The following TRIM15 variants were observed in gnomAD, a reference collection of about 807,000 sequenced individuals.
TRIM15 encodes tripartite motif containing 15.
In TRIM15, 35 loss-of-function variants were observed where a neutral mutation model predicts 35.8. The observed-to-expected ratio is 0.98, with a 90% CI of 0.75 to 1.30. The LOEUF (loss-of-function observed/expected upper bound fraction) is 1.30, where lower values mean the gene tolerates loss of function less well. Ranked by LOEUF, TRIM15 falls within the 50% of genes most tolerant of loss-of-function variation. TRIM15 has a pLI of 0.00. For synonymous variants in TRIM15, 252 were observed against 249.8 expected, an observed-to-expected ratio of 1.01 and a Z score of -0.08; for missense variants, 590 against 593.5, an observed-to-expected ratio of 0.99 and a Z score of 0.06.
intron 1 of TRIM15, among the ~76,000 whole-genome samples, chr6:30,164,677 G>C (rs114264956): frequency 0.028 from 4,238 of 152,166 alleles, 104 homozygotes; most frequent in Middle Eastern, 0.054. Flanking sequence ...TCACAGCCAG[G>C]TTCTCCCTAT....
chr6:30,164,909 A>G (rs936301536), intron 1 of TRIM15, among the ~76,000 whole-genome samples: 10 of 152,162 alleles, frequency 6.6e-5, no homozygotes, highest in African/African-American at 1.9e-4. Flanking sequence ...GTCCGGCCTC[A>G]TCGCTCAGCC....
rs1262172397 is a variant in TRIM15, at chr6:30,172,135, A to C, written c.1184A>C (p.Gln395Pro). ...GVWAVIISHQQCWASTSPGTD... is the reference protein window; with the variant it reads ...GVWAVIISHQPCWASTSPGTD... ...TGGGCCGTGATCATCTCGCACCAGC[A>C]GTGCTGGGCCAGCACCTCCCCGGGC... Residue 395 changes from glutamine (Q) to proline (P), a missense_variant, in exon 7 of 7, where the codon CAG (glutamine) becomes CCG (proline). Gln to Pro is a moderately conservative substitution (Grantham distance 76). Coordinates refer to ENST00000376694, the MANE Select transcript of TRIM15 (RefSeq NM_033229.3). 6.3e-7 allele frequency: 1 copy of C among 1,585,994 alleles called. No homozygotes were observed. Among genetic ancestry groups the C allele is most frequent in the East Asian group, 2.3e-5 (1 of 43,458 alleles).
Position 30,167,894 on chromosome 6 carries a change from C to T in TRIM15, c.478-406C>T, listed in dbSNP as rs140942859. Reference sequence around the variant, plus strand: ...TATGCCCTGTAGTTGGTGATTTCCACGGCTAAAACCAAAATTACACACTCT... The same window carrying T: ...TATGCCCTGTAGTTGGTGATTTCCATGGCTAAAACCAAAATTACACACTCT... On this transcript the variant is annotated intron_variant, in intron 2 of 6. Transcript: ENST00000376694. Among the ~76,000 whole-genome samples, 444 of 152,264 alleles carry T rather than the reference C, an allele frequency of 2.9e-3. 2 individuals are homozygous for T. The highest frequency in any genetic ancestry group is 0.01 in the Middle Eastern group (3 of 294).
intron 4 of TRIM15, chr6:30,169,751 T>A (rs114614870): frequency 0.023 from 8,179 of 355,824 alleles, 169 homozygotes; most frequent in African/African-American, 0.051. Flanking sequence ...CAGGAGCCAG[T>A]GGCATTGTAA....
At position 30,171,917 on chromosome 6, in the gene TRIM15, G is replaced by C. The variant is rs1456349641; in HGVS notation, c.966G>C (p.Lys322Asn). 6.2e-7 allele frequency: 1 copy of C among 1,600,882 alleles called. No homozygotes were observed. The highest frequency in any genetic ancestry group is 8.5e-7 in the Non-Finnish European group (1 of 1,174,048). ...AGTCAGTGAGGTACACCCGGCAGAAGAAGAGCCTGCCAGACAGCCCCCTGC... is the reference window on the plus strand; with the variant it reads ...AGTCAGTGAGGTACACCCGGCAGAACAAGAGCCTGCCAGACAGCCCCCTGC... ...DRKSVRYTRQKKSLPDSPLRF... is the reference protein window; with the variant it reads ...DRKSVRYTRQNKSLPDSPLRF... The change falls in exon 7 of 7, where the codon AAG becomes AAC. Residue 322 changes from lysine to asparagine, a missense_variant. Coordinates refer to ENST00000376694, the MANE Select transcript of TRIM15 (RefSeq NM_033229.3).
chr6:30,169,840 G>C (rs1773885000), intron 4 of TRIM15: 2 of 256,998 alleles, frequency 7.8e-6, no homozygotes, highest in Non-Finnish European at 1.5e-5. Context: ...AGTGACTAGG[G>C]AACAATTGTC....
chr6:30,168,400 A>G lies in TRIM15; in HGVS notation c.578A>G (p.Glu193Gly). 6.2e-7 allele frequency: 1 copy of G among 1,613,034 alleles called. No homozygotes were observed. Among genetic ancestry groups the G allele is most frequent in the Non-Finnish European group, 8.5e-7 (1 of 1,180,016 alleles). Residue 193 changes from glutamate to glycine, a missense_variant, in exon 3 of 7, where the codon GAG (glutamate) becomes GGG (glycine). Glu to Gly is a moderately conservative substitution (Grantham distance 98, BLOSUM62 -2). Transcript: ENST00000376694. ...TGTCTCCTGCTGGCCAGGCTGAGGG[A>G]GCTGGAGCAGCAGATTTGGAAGGAG... ...QRCLLLARLR[E>G]LEQQIWKERD...
intron 4 of TRIM15, chr6:30,169,812 T>G (rs115384867): frequency 0.023 from 7,260 of 314,176 alleles, 150 homozygotes; most frequent in African/African-American, 0.051. Flanking sequence ...CAGTCTGCAC[T>G]GAGATGAAGA....
rs1773743138 is a variant in TRIM15, at chr6:30,168,164, G to A, written c.478-136G>A. On this transcript the variant is annotated intron_variant, in intron 2 of 6. Coordinates refer to ENST00000376694, the MANE Select transcript of TRIM15 (RefSeq NM_033229.3). ...TCATCCTGAGACCTAACTACTTCTA[G>A]GCATATTAGTAAATGGAATGAGTCT... 4 of 708,544 alleles carry A rather than the reference G, an allele frequency of 5.6e-6. No homozygotes were observed. The Admixed American group carries it at 8.8e-5, about 16-fold the overall frequency. The allele number at this position is 708,544 out of a possible 1,614,324, so 43.9% of individuals were successfully genotyped here.
At chr6:30,165,596 A>T (rs1391984675) in intron 1 of TRIM15, among the ~76,000 whole-genome samples, 1 of 152,254 alleles carries the variant, frequency 6.6e-6, no homozygotes, top group East Asian at 1.9e-4. Context: ...AGGATAATTT[A>T]TAATCCTCTG....
At chr6:30,168,241 C>T in intron 2 of TRIM15, 59 bp from the exon 3 acceptor site, 1 of 1,439,418 alleles carries the variant, frequency 6.9e-7, no homozygotes, top group Non-Finnish European at 9.5e-7. Context: ...TATAGATGAT[C>T]ATCCTGGAAG....
intron 2 of TRIM15, 44 bp downstream of exon 2, chr6:30,167,315 T>C: frequency 2.6e-6 from 4 of 1,525,622 alleles, no homozygotes; most frequent in Non-Finnish European, 2.7e-6. Flanking sequence ...GAAGGTTTTC[T>C]TAAGAGACTC....
At chr6:30,169,444 C>A (rs1203623011) in intron 4 of TRIM15, 181 bp downstream of exon 4, 1 of 741,114 alleles carries the variant, frequency 1.3e-6, no homozygotes. Flanking sequence ...TCTAAAGGTT[C>A]ATTTTTAAAT....
intron 1 of TRIM15, among the ~76,000 whole-genome samples, chr6:30,165,310 G>T (rs1307675231): frequency 6.6e-6 from 1 of 152,062 alleles, no homozygotes; most frequent in Non-Finnish European, 1.5e-5. Context: ...GTGTCCATGT[G>T]TTCTCATTGT....
In TRIM15 at chr6:30,171,990, G is replaced by A; in HGVS notation, c.1039G>A (p.Gly347Arg). The change falls in exon 7 of 7, where the codon GGG (glycine) becomes AGG (arginine). Residue 347 changes from glycine (G) to arginine (R), a missense_variant. Coordinates refer to ENST00000376694, the MANE Select transcript of TRIM15 (RefSeq NM_033229.3). ...TCTGGGCTTCCCGGGCTTCTCCTCC[G>A]GGCGCCACCGCTGGCAGGTTGACCT... is the stretch of plus-strand genomic sequence containing the variant. Reference protein sequence around the residue: ...AVLGFPGFSSGRHRWQVDLQL... With the variant: ...AVLGFPGFSSRRHRWQVDLQL... 1 of 1,582,196 alleles carries A rather than the reference G, an allele frequency of 6.3e-7. No homozygotes were observed. The highest frequency in any genetic ancestry group is 1.3e-5 in the African/African-American group (1 of 74,456).
At position 30,168,916 on chromosome 6, in the gene TRIM15, A is replaced by T. The variant is rs143033424; in HGVS notation, c.709-325A>T. On this transcript the variant is annotated intron_variant, in intron 3 of 6. Coordinates refer to ENST00000376694, the MANE Select transcript of TRIM15 (RefSeq NM_033229.3). Reference sequence around the variant, plus strand: ...TAACTGGTGTCTGCTATGGTTATGAATATGTGATCCTGGCTCACATCAGGT... The same window carrying T: ...TAACTGGTGTCTGCTATGGTTATGATTATGTGATCCTGGCTCACATCAGGT... Among the ~76,000 whole-genome samples the T allele has an allele frequency of 4.3e-3, 661 of 152,302 alleles. 2 individuals carry two copies. The highest frequency in any genetic ancestry group is 0.011 in the African/African-American group (467 of 41,560).
chr6:30,171,703 G>A (rs1328539993), intron 6 of TRIM15, 129 bp from the exon 7 acceptor site: 4 of 1,258,140 alleles, frequency 3.2e-6, no homozygotes, highest in Non-Finnish European at 4.2e-6. Flanking sequence ...TAGAAGGGCG[G>A]TTCAGAGAAG....
chr6:30,164,144 T>G, intron 1 of TRIM15, 79 bp downstream of exon 1: 1 of 1,529,996 alleles, frequency 6.5e-7, no homozygotes, highest in Non-Finnish European at 8.8e-7. Context: ...CGGGCGGGGA[T>G]CTGGATGAAA....
At position 30,163,575 on chromosome 6, in the gene TRIM15, C is replaced by A. The variant is rs998213427; in HGVS notation, c.-110C>A. On this transcript the variant is annotated 5_prime_UTR_variant, in exon 1 of 7. Coordinates refer to ENST00000376694, the MANE Select transcript of TRIM15 (RefSeq NM_033229.3). ...CTCTTTCTCTCTCTCTGTCTCTTAGCCTTGCAGCCGTTTCCCTCTGCGATT... is the reference window on the plus strand; with the variant it reads ...CTCTTTCTCTCTCTCTGTCTCTTAGACTTGCAGCCGTTTCCCTCTGCGATT... 6.4e-6 allele frequency: 7 copies of A among 1,097,378 alleles called. No homozygotes were observed. Among genetic ancestry groups the A allele is most frequent in the African/African-American group, 1.6e-5 (1 of 61,260 alleles). The allele number at this position is 1,097,378 out of a possible 1,614,324, so 68.0% of individuals were successfully genotyped here. A position where few individuals can be genotyped will look rare whatever the true frequency, so the allele number is the denominator to read the frequency against.
Sources: allele counts gnomAD v4.1 joint callset (sites outside exome capture counted in the v4.1 genomes callset), GRCh38; gene constraint gnomAD v4.1.1; transcripts MANE v1.5; gene names NCBI Gene and HGNC (gene_info 2026-07-23, HGNC 2026-07-21).